The following LRIG1 variants were observed in gnomAD, a reference collection of about 807,000 sequenced individuals.
LRIG1 encodes the protein leucine rich repeats and immunoglobulin like domains 1.
LRIG1 carries 48 observed loss-of-function variants against 99.2 expected under a neutral mutation model. That is an observed-to-expected ratio of 0.48 (90% CI 0.38 to 0.62). The LOEUF (loss-of-function observed/expected upper bound fraction) is 0.62. LRIG1 is among the 20% of genes least tolerant of loss of function. The pLI is 0.00. For missense variants in LRIG1, 1,646 were observed against 1,434.4 expected (o/e 1.15, Z -2.38); for synonymous variants, 772 against 596.1 (o/e 1.29, Z -4.30).
chr3:66,457,823 C>A (rs1349821524), intron 2 of LRIG1, among the ~76,000 whole-genome samples: 1 of 152,220 alleles, frequency 6.6e-6, no homozygotes, highest in Non-Finnish European at 1.5e-5. Context: ...ATCCCCCACA[C>A]TCAGACGGTA....
Position 66,436,426 on chromosome 3 carries a change from C to T in LRIG1, c.365+15133G>A, listed in dbSNP as rs1323205505. Among the ~76,000 whole-genome samples, 5 of 152,330 alleles carry T rather than the reference C, an allele frequency of 3.3e-5. No homozygotes were observed. The East Asian group carries it at 9.7e-4, about 29-fold the overall frequency. On this transcript the variant is annotated intron_variant, in intron 3 of 18. Coordinates refer to ENST00000273261, the MANE Select transcript of LRIG1 (RefSeq NM_015541.3). ...AGCGGCTTAGGAGAGATGATAACAACACCTTTCACTCGGCTTGCTTTGGCA... is the reference window on the plus strand; with the variant it reads ...AGCGGCTTAGGAGAGATGATAACAATACCTTTCACTCGGCTTGCTTTGGCA...
chr3:66,386,331 C>T, intron 12 of LRIG1, 30 bp from the exon 13 acceptor site: 1 of 1,593,696 alleles, frequency 6.3e-7, no homozygotes, highest in Non-Finnish European at 8.6e-7. Context: ...CTGTAAAGCG[C>T]TGGGTTCTTG....
In LRIG1 at chr3:66,394,088, G is replaced by T. The variant is rs778068167; in HGVS notation, c.1420C>A (p.Leu474Met). 1 of 1,613,998 alleles carries T rather than the reference G, an allele frequency of 6.2e-7. No individual in the cohort carries two copies. Among genetic ancestry groups the T allele is most frequent in the Non-Finnish European group, 8.5e-7 (1 of 1,179,994 alleles). ...VTATCAHPES[L>M]KGQSIFSVPP... ...ACAGAGAAAATGCTCTGACCCTTCAGTGATTCTGGGTGGGCACAGGTGGCT... is the reference window on the plus strand; with the variant it reads ...ACAGAGAAAATGCTCTGACCCTTCATTGATTCTGGGTGGGCACAGGTGGCT... Residue 474 changes from leucine to methionine, a missense_variant, in exon 12 of 19, where the codon CTG becomes ATG. Physicochemically the swap from Leu to Met is conservative, Grantham distance 15 (BLOSUM62 2). Transcript: ENST00000273261.
rs1338605787 is a variant in LRIG1 at position 66,417,045 on chromosome 3, T to G, written c.503+84A>C. 263 of 1,530,232 alleles carry G rather than the reference T, an allele frequency of 1.7e-4. No individual in the cohort carries two copies. In the East Asian group the frequency reaches 5.9e-3, roughly 34 times the overall value. 94.8% of individuals were successfully genotyped at this position (1,530,232 alleles called of 1,614,324 possible). A position where few individuals can be genotyped will look rare whatever the true frequency, so the allele number is the denominator to read the frequency against. On this transcript the variant is annotated intron_variant, in intron 4 of 18. Coordinates refer to ENST00000273261, the MANE Select transcript of LRIG1 (RefSeq NM_015541.3). ...TGAGAAGGGAAGGAAGCATCCCTCC[T>G]GCATCCAGAACTGGGTGCCGGTGAA...
chr3:66,391,214 G>T (rs1412933999), intron 12 of LRIG1, among the ~76,000 whole-genome samples: 1 of 152,174 alleles, frequency 6.6e-6, no homozygotes, highest in Non-Finnish European at 1.5e-5. Context: ...TTGGTGATGG[G>T]CATGTAAAAT....
intron 13 of LRIG1, 148 bp downstream of exon 13, chr3:66,385,832 GC>G: frequency 1.3e-6 from 1 of 751,716 alleles, no homozygotes; most frequent in East Asian, 2.6e-5. Flanking sequence ...TTGCTCTGGG[GC>G]AAACCCAGGC....
intron 7 of LRIG1, among the ~76,000 whole-genome samples, chr3:66,407,771 C>G (rs1301702607): frequency 6.6e-6 from 1 of 152,220 alleles, no homozygotes; most frequent in Admixed American, 6.5e-5. Context: ...GAAGACTACA[C>G]ACGAGGTCAT....
chr3:66,483,631 G>A (rs1700900894), intron 1 of LRIG1, among the ~76,000 whole-genome samples: 1 of 152,214 alleles, frequency 6.6e-6, no homozygotes, highest in African/African-American at 2.4e-5. Flanking sequence ...CCTGGCGAGG[G>A]CTCAGCATAA....
At chr3:66,398,917 G>T (rs779955894) in intron 10 of LRIG1, 53 bp downstream of exon 10, 22 of 1,476,980 alleles carry the variant, frequency 1.5e-5, no homozygotes, top group Middle Eastern at 1.7e-4. Context: ...AGAACTCCCC[G>T]GCAGCCGCAT....
At chr3:66,407,593 T>A (rs931209292) in intron 7 of LRIG1, 102 bp from the exon 8 acceptor site, 3 of 1,349,274 alleles carry the variant, frequency 2.2e-6, no homozygotes, top group Non-Finnish European at 3.1e-6. Context: ...CAGTGGGAAA[T>A]GACACAGATG....
chr3:66,467,297 T>C (rs1285743453), intron 1 of LRIG1, among the ~76,000 whole-genome samples: 1 of 152,152 alleles, frequency 6.6e-6, no homozygotes, highest in African/African-American at 2.4e-5. Flanking sequence ...TTTACATGTA[T>C]ATTTAAATGA....
chr3:66,407,232 T>G (rs910676333), intron 8 of LRIG1, 116 bp downstream of exon 8: 3 of 1,101,080 alleles, frequency 2.7e-6, no homozygotes, highest in Non-Finnish European at 4.0e-6. Context: ...AAGCCAGCTT[T>G]GGATCCAATT....
intron 1 of LRIG1, among the ~76,000 whole-genome samples, chr3:66,472,336 C>T (rs1283559407): frequency 7.9e-6 from 1 of 125,910 alleles, no homozygotes; most frequent in East Asian, 2.4e-4. Flanking sequence ...AAAAAAAACA[C>T]TAACTTCGGA....
chr3:66,484,629 A>G (rs113810881), intron 1 of LRIG1, among the ~76,000 whole-genome samples: 4 of 152,168 alleles, frequency 2.6e-5, no homozygotes, highest in African/African-American at 9.7e-5. Context: ...CTTTTTAAAA[A>G]GCCCCACGTG....
Position 66,380,125 on chromosome 3 carries a change from C to T in LRIG1, c.*138G>A. ...CGTTTACTGTGCTTCAGATCCAAGTCCTGTGAGCGACTGATACTCCACATG... is the reference window on the plus strand; with the variant it reads ...CGTTTACTGTGCTTCAGATCCAAGTTCTGTGAGCGACTGATACTCCACATG... On this transcript the variant is annotated 3_prime_UTR_variant, in exon 19 of 19. Transcript: ENST00000273261. 4.5e-6 allele frequency: 3 copies of T among 671,880 alleles called. No homozygotes were observed. Among genetic ancestry groups the T allele is most frequent in the Non-Finnish European group, 7.4e-6 (3 of 406,716 alleles). The allele number at this position is 671,880 out of a possible 1,614,324, so 41.6% of individuals were successfully genotyped here. A position where few individuals can be genotyped will look rare whatever the true frequency, so the allele number is the denominator to read the frequency against.
At chr3:66,472,676 C>T (rs562950535) in intron 1 of LRIG1, among the ~76,000 whole-genome samples, 8 of 152,306 alleles carry the variant, frequency 5.3e-5, no homozygotes, top group African/African-American at 1.7e-4. Context: ...ACGGATTTCA[C>T]TGGGATAAAG....
intron 2 of LRIG1, among the ~76,000 whole-genome samples, chr3:66,461,874 T>A (rs897792740): frequency 2.0e-5 from 3 of 152,216 alleles, no homozygotes; most frequent in African/African-American, 4.8e-5. Context: ...TAGCTCTGTT[T>A]GGAGGTGGAG....
chr3:66,402,498 G>A (rs1702096860), intron 9 of LRIG1, among the ~76,000 whole-genome samples: 1 of 152,180 alleles, frequency 6.6e-6, no homozygotes, highest in South Asian at 2.1e-4. Context: ...TTATGGCTCT[G>A]CTACTCACAT....
chr3:66,390,318 C>CAAT (rs1408947199), intron 12 of LRIG1, among the ~76,000 whole-genome samples: 8 of 152,058 alleles, frequency 5.3e-5, no homozygotes, highest in Admixed American at 5.2e-4. Flanking sequence ...TGTATACTTG[C>CAAT]AATAAATATT....
Sources: gnomAD v4.1 joint callset for allele counts (sites outside exome capture counted in the v4.1 genomes callset) on GRCh38, gnomAD v4.1.1 for gene constraint, MANE v1.5 for transcripts, NCBI Gene and HGNC (gene_info 2026-07-23, HGNC 2026-07-21) for gene names.